Variants in VAPA observed in about 807,000 individuals in gnomAD.
VAPA encodes VAMP associated protein A.
In VAPA, 6 loss-of-function variants were observed where a neutral mutation model predicts 25.6. The ratio of observed to expected loss-of-function variants is 0.23; its 90% CI spans 0.13 to 0.46. The LOEUF (loss-of-function observed/expected upper bound fraction) is 0.46. Ranked by LOEUF, VAPA falls within the 20% of genes least tolerant of loss-of-function variation. VAPA has a pLI of 0.99. For missense variants in VAPA, 244 were observed against 302.1 expected, an observed-to-expected ratio of 0.81 and a Z score of 1.43; for synonymous variants, 112 against 106.2, an observed-to-expected ratio of 1.05 and a Z score of -0.34.
Position 9,938,460 on chromosome 18 carries a change from G to C in VAPA, c.417+1394G>C, listed in dbSNP as rs556881977. On this transcript the variant is annotated intron_variant, in intron 4 of 5. Transcript: ENST00000400000. ...GCCATTTACACATCTTGGGTGAAAA[G>C]AGCAGTTATGCCTACCTATTGGTCT... 3.4e-4 allele frequency among the ~76,000 whole-genome samples: 51 copies of C among 152,236 alleles called. 2 individuals carry two copies. Among genetic ancestry groups the C allele is most frequent in the Non-Finnish European group, 1.0e-4 (7 of 68,038 alleles).
Position 9,921,500 on chromosome 18 carries a change from G to C in VAPA, c.79+7165G>C, listed in dbSNP as rs117445781. On this transcript the variant is annotated intron_variant, in intron 1 of 5. Transcript: ENST00000400000. ...AACTATACTTTTAATCCTTTAAAAAGATTTCATTGTGTATATTTGAGGTAT... is the reference window on the plus strand; with the variant it reads ...AACTATACTTTTAATCCTTTAAAAACATTTCATTGTGTATATTTGAGGTAT... 9.6e-3 allele frequency among the ~76,000 whole-genome samples: 1,460 copies of C among 152,288 alleles called. 14 individuals are homozygous for C. The highest frequency in any genetic ancestry group is 0.015 in the Non-Finnish European group (994 of 68,036).
intron 4 of VAPA, among the ~76,000 whole-genome samples, chr18:9,938,396 A>T (rs967655686): frequency 6.6e-6 from 1 of 152,170 alleles, no homozygotes; most frequent in African/African-American, 2.4e-5. Flanking sequence ...ACCAAACCAG[A>T]AGTTGATGGG....
chr18:9,953,798 A>G (rs2069514128), intron 5 of VAPA, among the ~76,000 whole-genome samples: 1 of 152,218 alleles, frequency 6.6e-6, no homozygotes, highest in Admixed American at 6.5e-5. Context: ...GGTATAATTT[A>G]TATCCCATGG....
chr18:9,931,985 T>C lies in VAPA; in HGVS notation c.232+23T>C, dbSNP rs547259779. 33 of 1,516,146 alleles carry C rather than the reference T, an allele frequency of 2.2e-5. 1 individual carries two copies. The South Asian group carries it at 3.2e-4, about 15-fold the overall frequency. 93.9% of individuals were successfully genotyped at this position (1,516,146 alleles called of 1,614,324 possible). On this transcript the variant is annotated intron_variant, in intron 2 of 5. Transcript: ENST00000400000. Reference sequence around the variant, plus strand: ...CAGGTAGCAAATCATGTTCTGAATTTATGTACATTTGAATTTTGACCTTTT... The same window carrying C: ...CAGGTAGCAAATCATGTTCTGAATTCATGTACATTTGAATTTTGACCTTTT...
rs1437970872 is a variant in VAPA at position 9,954,725 on chromosome 18, C to T, written c.*514C>T. ...ATATCATGGCAGAATTTTTCTTATC[C>T]CTTGTGAGGCAGTTGTTGACTGAGT... On this transcript the variant is annotated 3_prime_UTR_variant, in exon 6 of 6. Transcript: ENST00000400000. 1 of 152,596 alleles carries T rather than the reference C, an allele frequency of 6.6e-6. No individual in the cohort carries two copies. Among genetic ancestry groups the T allele is most frequent in the African/African-American group, 2.4e-5 (1 of 41,370 alleles). The allele number at this position is 152,596 out of a possible 1,614,324, so 9.5% of individuals were successfully genotyped here.
Position 9,950,376 on chromosome 18 carries a change from C to G in VAPA, c.418-19C>G, listed in dbSNP as rs769898500. ...GAGATTTGGTTAGTTAAAAAATTCC[C>G]AATATCTTTGTAATGCAGAATGATA... On this transcript the variant is annotated intron_variant, in intron 4 of 5. Transcript: ENST00000400000. The G allele has an allele frequency of 5.0e-6, 8 of 1,602,562 alleles. No individual in the cohort carries two copies. The highest frequency in any genetic ancestry group is 1.8e-5 in the Admixed American group (1 of 56,542).
At chr18:9,933,083 AAAAC>A (rs764156819) in intron 2 of VAPA, among the ~76,000 whole-genome samples, 10 of 151,978 alleles carry the variant, frequency 6.6e-5, no homozygotes, top group East Asian at 3.9e-4. Flanking sequence ...ACTCCGTCTC[AAAAC>A]AAACAAACAA....
At chr18:9,921,757 A>C (rs2069158481) in intron 1 of VAPA, among the ~76,000 whole-genome samples, 1 of 152,206 alleles carries the variant, frequency 6.6e-6, no homozygotes, top group Non-Finnish European at 1.5e-5. Context: ...AGGACTGTTA[A>C]CTTGCAAATG....
chr18:9,932,634 A>G (rs1486682930), intron 2 of VAPA, among the ~76,000 whole-genome samples: 2 of 152,192 alleles, frequency 1.3e-5, no homozygotes, highest in African/African-American at 4.8e-5. Context: ...AATAGGAAGT[A>G]AATATGAGAA....
At chr18:9,935,631 C>A (rs988865144) in intron 2 of VAPA, among the ~76,000 whole-genome samples, 1 of 152,118 alleles carries the variant, frequency 6.6e-6, no homozygotes, top group Non-Finnish European at 1.5e-5. Context: ...AGTATTTCTC[C>A]TTTAAATATC....
intron 4 of VAPA, among the ~76,000 whole-genome samples, chr18:9,939,567 G>GGT (rs1432172637): frequency 3.4e-5 from 5 of 146,462 alleles, no homozygotes; most frequent in African/African-American, 1.3e-4. Context: ...TATTAAACTA[G>GGT]GTTTGCCTAT....
chr18:9,947,944 AAATT>A, intron 4 of VAPA: 1 of 152,174 alleles, frequency 6.6e-6, no homozygotes, highest in Non-Finnish European at 1.5e-5. Context: ...ATATGTAAAT[AAATT>A]AGATTTTCTT....
chr18:9,916,690 A>AT (rs2069114474), intron 1 of VAPA, among the ~76,000 whole-genome samples: 1 of 152,206 alleles, frequency 6.6e-6, no homozygotes, highest in Non-Finnish European at 1.5e-5. Context: ...CACTGAGGAG[A>AT]TTCATTTAGA....
intron 4 of VAPA, among the ~76,000 whole-genome samples, chr18:9,938,469 T>C (rs932724960): frequency 2.0e-5 from 3 of 152,244 alleles, no homozygotes; most frequent in African/African-American, 7.2e-5. Flanking sequence ...AGAGCAGTTA[T>C]GCCTACCTAT....
intron 4 of VAPA, among the ~76,000 whole-genome samples, chr18:9,943,841 C>CTTTTTTTTTTTTTTTTTTTTT (rs71169911): frequency 3.9e-5 from 2 of 51,770 alleles, no homozygotes; most frequent in Non-Finnish European, 7.5e-5. Context: ...ACATATTTCC[C>CTTTTTTTTTTTTTTTTTTTTT]TTTTTTTTTT....
At chr18:9,933,738 A>G (rs779763255) in intron 2 of VAPA, among the ~76,000 whole-genome samples, 1 of 152,152 alleles carries the variant, frequency 6.6e-6, no homozygotes, top group Non-Finnish European at 1.5e-5. Context: ...GGGTTTCACC[A>G]TGTTGGCCAG....
intron 5 of VAPA, among the ~76,000 whole-genome samples, chr18:9,953,192 CA>C (rs2143445474): frequency 6.6e-6 from 1 of 152,292 alleles, no homozygotes; most frequent in South Asian, 2.1e-4. Flanking sequence ...GCTCTAAAGA[CA>C]TAGTGCTGTG....
chr18:9,915,060 A>T (rs1188161104), intron 1 of VAPA: 4 of 152,684 alleles, frequency 2.6e-5, no homozygotes, highest in South Asian at 4.1e-4. Flanking sequence ...GTTGGCACGG[A>T]CCCAGGTGCG....
At chr18:9,926,949 A>T (rs2069205290) in intron 1 of VAPA, among the ~76,000 whole-genome samples, 2 of 152,104 alleles carry the variant, frequency 1.3e-5, no homozygotes, top group African/African-American at 4.8e-5. Context: ...ACTAGCCTAA[A>T]TGGGGGTCAC....
Sources: gnomAD v4.1 joint callset for allele counts (sites outside exome capture counted in the v4.1 genomes callset) on GRCh38, gnomAD v4.1.1 for gene constraint, MANE v1.5 for transcripts, NCBI Gene and HGNC (gene_info 2026-07-23, HGNC 2026-07-21) for gene names.